Variants in ALDH2 observed in about 807,000 individuals in gnomAD.
The protein encoded by ALDH2 is aldehyde dehydrogenase 2 family member, also known as aldehyde dehydrogenase, mitochondrial.
ALDH2 carries 44 observed loss-of-function variants against 59.6 expected under a neutral mutation model. The observed-to-expected ratio is 0.74, with a 90% CI of 0.58 to 0.95. ALDH2 has a LOEUF of 0.95. Among genes scored for constraint, ALDH2 ranks in the 40% least tolerant of loss-of-function variants. The pLI is 0.00. For synonymous variants in ALDH2, 291 were observed against 284.0 expected (o/e 1.02, Z -0.25); for missense variants, 570 against 696.3 (o/e 0.82, Z 2.04).
intron 12 of ALDH2, among the ~76,000 whole-genome samples, chr12:111,806,712 C>T (rs1023411371): frequency 6.6e-6 from 1 of 152,216 alleles, no homozygotes; most frequent in Non-Finnish European, 1.5e-5. Context: ...TGGCTCATGC[C>T]TGTAATCCCA....
chr12:111,804,616 G>A (rs551818282), intron 12 of ALDH2, among the ~76,000 whole-genome samples: 2 of 152,064 alleles, frequency 1.3e-5, no homozygotes, highest in Admixed American at 6.6e-5. Flanking sequence ...GTGTGGTGGC[G>A]TGCGCCTGTA....
chr12:111,809,902 A>T lies in ALDH2; in HGVS notation c.*327A>T. ...GGGGAAGAAAAAGCTATTGTTTACAATTATATCACCATTAAGGCAACTGCT... is the reference window on the plus strand; with the variant it reads ...GGGGAAGAAAAAGCTATTGTTTACATTTATATCACCATTAAGGCAACTGCT... On this transcript the variant is annotated 3_prime_UTR_variant, in exon 13 of 13. Coordinates refer to ENST00000261733, the MANE Select transcript of ALDH2 (RefSeq NM_000690.4). The T allele has an allele frequency of 2.4e-6, 1 of 414,642 alleles. No homozygotes were observed. Among genetic ancestry groups the T allele is most frequent in the Non-Finnish European group, 4.4e-6 (1 of 226,832 alleles). The allele number at this position is 414,642 out of a possible 1,614,324, so 25.7% of individuals were successfully genotyped here.
intron 9 of ALDH2, among the ~76,000 whole-genome samples, chr12:111,793,631 T>C (rs928445481): frequency 6.6e-6 from 1 of 151,990 alleles, no homozygotes; most frequent in Non-Finnish European, 1.5e-5. Context: ...AGTTTTGTTC[T>C]GTCACCCAGG....
chr12:111,772,625 T>C (rs879683808), intron 1 of ALDH2, among the ~76,000 whole-genome samples: 1 of 151,374 alleles, frequency 6.6e-6, no homozygotes, highest in Admixed American at 6.6e-5. Context: ...CCTCCCAAAG[T>C]GCTGGGATTA....
At chr12:111,809,383 G>A (rs969379246) in intron 12 of ALDH2, among the ~76,000 whole-genome samples, 160 bp from the exon 13 acceptor site, 4 of 152,152 alleles carry the variant, frequency 2.6e-5, no homozygotes, top group Admixed American at 2.6e-4. Flanking sequence ...TGAGCCAGGA[G>A]GTCAAGGCAG....
rs1277410747 is a variant in ALDH2, at chr12:111,780,526, C to G, written c.115-1392C>G. On this transcript the variant is annotated intron_variant, in intron 1 of 12. Transcript: ENST00000261733. ...TGGACTGCTGGTCCTCCGGCTCTTCCTGTGGACCCCTCCTTTTCATCATTC... is the reference window on the plus strand; with the variant it reads ...TGGACTGCTGGTCCTCCGGCTCTTCGTGTGGACCCCTCCTTTTCATCATTC... Among the ~76,000 whole-genome samples, 9 of 152,304 alleles carry G rather than the reference C, an allele frequency of 5.9e-5. No individual in the cohort carries two copies. In the East Asian group the frequency reaches 1.7e-3, roughly 29 times the overall value.
At chr12:111,776,322 G>C (rs1463736815) in intron 1 of ALDH2, among the ~76,000 whole-genome samples, 1 of 152,136 alleles carries the variant, frequency 6.6e-6, no homozygotes, top group Non-Finnish European at 1.5e-5. Flanking sequence ...AACACTGCAG[G>C]ACCCCCTGCG....
At chr12:111,786,456 T>G (rs2068310085) in intron 4 of ALDH2, among the ~76,000 whole-genome samples, 1 of 152,140 alleles carries the variant, frequency 6.6e-6, no homozygotes, top group Non-Finnish European at 1.5e-5. Context: ...CAGGATGGTC[T>G]CAATCTCCTG....
chr12:111,802,796 C>A (rs1489225179), intron 11 of ALDH2, among the ~76,000 whole-genome samples: 1 of 149,534 alleles, frequency 6.7e-6, no homozygotes, highest in Non-Finnish European at 1.5e-5. Flanking sequence ...AGGAGAATGG[C>A]GTGAACCTGG....
rs763365886 is a variant in ALDH2 at position 111,782,005 on chromosome 12, G to A, written c.202G>A (p.Val68Ile). 3 of 1,613,812 alleles carry A rather than the reference G, an allele frequency of 1.9e-6. No homozygotes were observed. The South Asian group carries it at 3.3e-5, about 18-fold the overall frequency. Residue 68 changes from valine to isoleucine, a missense_variant, in exon 2 of 13, where the codon GTA becomes ATA. Transcript: ENST00000261733. Reference protein sequence around the residue: ...NPSTGEVICQVAEGDKEDVDK... With the variant: ...NPSTGEVICQIAEGDKEDVDK... Reference sequence around the variant, plus strand: ...GTCCACTGGAGAGGTCATCTGTCAGGTAGCTGAAGGGGACAAGGTGAGAAC... The same window carrying A: ...GTCCACTGGAGAGGTCATCTGTCAGATAGCTGAAGGGGACAAGGTGAGAAC...
chr12:111,807,847 AT>A (rs1040518580), intron 12 of ALDH2, among the ~76,000 whole-genome samples: 34 of 150,934 alleles, frequency 2.3e-4, no homozygotes, highest in Admixed American at 1.4e-3. Context: ...CTATGGGAGC[AT>A]TTTAAGTAGA....
intron 4 of ALDH2, among the ~76,000 whole-genome samples, chr12:111,788,124 C>T (rs140677545): frequency 2.0e-5 from 3 of 150,188 alleles, no homozygotes; most frequent in East Asian, 2.0e-4. Context: ...GCAGGAGAAC[C>T]GCTTGAACCT....
At chr12:111,803,757 A>T in intron 11 of ALDH2, 102 bp from the exon 12 acceptor site, 1 of 727,040 alleles carries the variant, frequency 1.4e-6, no homozygotes, top group Non-Finnish European at 1.9e-6. Context: ...ATTTTTTTTT[A>T]AGTTAAAAAT....
chr12:111,808,273 C>T (rs1462811444), intron 12 of ALDH2, among the ~76,000 whole-genome samples: 1 of 152,132 alleles, frequency 6.6e-6, no homozygotes, highest in Non-Finnish European at 1.5e-5. Context: ...AGTGGCTGCT[C>T]ATGGGTGCAA....
rs2068543178 is a variant in ALDH2 at position 111,812,529 on chromosome 12, A to AGGAAGTATTTACTTCC, written c.*2954_*2955insGGAAGTATTTACTTCC. ...ACCAGCTTAACCCTCATCTCATTAT[A>AGGAAGTATTTACTTCC]TAGGATGATATTACTTCTAGGAAGA... is the stretch of plus-strand genomic sequence containing the variant. On this transcript the variant is annotated 3_prime_UTR_variant, in exon 13 of 13. Transcript: ENST00000261733. 6.6e-6 allele frequency: 1 copy of AGGAAGTATTTACTTCC among 152,028 alleles called. No homozygotes were observed. The allele number at this position is 152,028 out of a possible 1,614,324, so 9.4% of individuals were successfully genotyped here. A position where few individuals can be genotyped will look rare whatever the true frequency, so the allele number is the denominator to read the frequency against.
At chr12:111,783,102 A>G (rs2077635608) in intron 2 of ALDH2, 56 bp from the exon 3 acceptor site, 7 of 1,577,184 alleles carry the variant, frequency 4.4e-6, no homozygotes, top group South Asian at 1.2e-5. Flanking sequence ...GGACCTGGTT[A>G]TTACTGAGAA....
chr12:111,795,140 G>A (rs965602635), intron 9 of ALDH2, among the ~76,000 whole-genome samples: 13 of 152,182 alleles, frequency 8.5e-5, no homozygotes, highest in Non-Finnish European at 1.8e-4. Context: ...CATCCATGTT[G>A]TAATAAGAAT....
In ALDH2 at chr12:111,812,216, G is replaced by A. The variant is rs1157229996; in HGVS notation, c.*2641G>A. ...GATGGAACATGAAGGCAGACTAGGA[G>A]CGTGACCACTGAAGCACAGCACCAC... On this transcript the variant is annotated 3_prime_UTR_variant, in exon 13 of 13. Transcript: ENST00000261733. 2.6e-5 allele frequency: 4 copies of A among 152,300 alleles called. No individual in the cohort carries two copies. The highest frequency in any genetic ancestry group is 9.7e-5 in the African/African-American group (4 of 41,446). The allele number at this position is 152,300 out of a possible 1,614,324, so 9.4% of individuals were successfully genotyped here.
At chr12:111,776,865 A>G (rs1199160558) in intron 1 of ALDH2, among the ~76,000 whole-genome samples, 1 of 152,012 alleles carries the variant, frequency 6.6e-6, no homozygotes, top group South Asian at 2.1e-4. Context: ...TTGCATTTTT[A>G]GTAGAGACAG....
Sources: gnomAD v4.1 joint callset for allele counts (sites outside exome capture counted in the v4.1 genomes callset) on GRCh38, gnomAD v4.1.1 for gene constraint, MANE v1.5 for transcripts, NCBI Gene and HGNC (gene_info 2026-07-23, HGNC 2026-07-21) for gene names.